The following PALLD variants were observed in gnomAD, a reference collection of about 807,000 sequenced individuals.
PALLD encodes the protein palladin.
A neutral mutation model predicts 123.5 loss-of-function variants in PALLD; 61 were observed. The ratio of observed to expected loss-of-function variants is 0.49; its 90% CI spans 0.40 to 0.61. The LOEUF is 0.61. Ranked by LOEUF, PALLD falls within the 20% of genes least tolerant of loss-of-function variation. The probability of loss-of-function intolerance (pLI) is 0.00; values close to 1 mark genes in which losing one functional copy is unlikely to be tolerated. For missense variants in PALLD, 1,273 were observed against 1,377.0 expected (o/e 0.92, Z 1.20); for synonymous variants, 465 against 496.4 (o/e 0.94, Z 0.84).
At chr4:168,810,192 A>G (rs190637227) in intron 10 of PALLD, among the ~76,000 whole-genome samples, 27 of 152,244 alleles carry the variant, frequency 1.8e-4, no homozygotes, top group African/African-American at 6.0e-4. Context: ...GAACAGGAAA[A>G]GAGCAAGAAT....
At chr4:168,635,945 A>T (rs989207145) in intron 2 of PALLD, among the ~76,000 whole-genome samples, 1 of 152,218 alleles carries the variant, frequency 6.6e-6, no homozygotes, top group African/African-American at 2.4e-5. Context: ...GGAATTGAGG[A>T]TCCTGGTTTT....
At chr4:168,734,917 C>T (rs1320494120) in intron 10 of PALLD, among the ~76,000 whole-genome samples, 3 of 150,946 alleles carry the variant, frequency 2.0e-5, no homozygotes, top group African/African-American at 7.4e-5. Flanking sequence ...GAGCAAGACC[C>T]CATCTCTTAG....
At chr4:168,845,244 A>G (rs961735482) in intron 10 of PALLD, among the ~76,000 whole-genome samples, 1 of 152,174 alleles carries the variant, frequency 6.6e-6, no homozygotes, top group Non-Finnish European at 1.5e-5. Flanking sequence ...ATCGAACAAA[A>G]TATTTCCTAC....
At chr4:168,724,274 T>C (rs1269322582) in intron 10 of PALLD, among the ~76,000 whole-genome samples, 1 of 152,268 alleles carries the variant, frequency 6.6e-6, no homozygotes, top group African/African-American at 2.4e-5. Flanking sequence ...TTTATTTTTG[T>C]CTACTACAGG....
intron 8 of PALLD, among the ~76,000 whole-genome samples, chr4:168,704,870 C>T (rs1316835180): frequency 6.6e-6 from 1 of 151,962 alleles, no homozygotes; most frequent in Admixed American, 6.6e-5. Flanking sequence ...CAAAAAGATC[C>T]TGTCTTTGTG....
At chr4:168,912,898 G>A (rs1759282234) in intron 15 of PALLD, among the ~76,000 whole-genome samples, 2 of 152,116 alleles carry the variant, frequency 1.3e-5, no homozygotes, top group Non-Finnish European at 2.9e-5. Context: ...AATTTCAATT[G>A]ACAAATTTAA....
intron 2 of PALLD, among the ~76,000 whole-genome samples, chr4:168,607,441 C>T (rs562449596): frequency 6.6e-6 from 1 of 152,120 alleles, no homozygotes; most frequent in African/African-American, 2.4e-5. Context: ...TTTTGGCACT[C>T]GGTGTGAGCT....
intron 10 of PALLD, among the ~76,000 whole-genome samples, chr4:168,737,547 T>C (rs1787881936): frequency 1.3e-5 from 2 of 152,130 alleles, no homozygotes. Flanking sequence ...GAAAACAGTT[T>C]TCTTTACTAA....
chr4:168,543,321 C>CTTT (rs10649595), intron 2 of PALLD, among the ~76,000 whole-genome samples: 18,072 of 145,976 alleles, frequency 0.12, 1,434 homozygotes, highest in Non-Finnish European at 0.16. Context: ...TTATATTTAT[C>CTTT]TTTTTTTTTT....
At chr4:168,723,475 G>A (rs1023116832) in intron 10 of PALLD, among the ~76,000 whole-genome samples, 3 of 152,204 alleles carry the variant, frequency 2.0e-5, no homozygotes, top group African/African-American at 7.2e-5. Context: ...TGAGGAAGCA[G>A]AGTTTGGTTA....
intron 10 of PALLD, among the ~76,000 whole-genome samples, chr4:168,713,885 T>C (rs1785073481): frequency 6.9e-6 from 1 of 145,258 alleles, no homozygotes; most frequent in Non-Finnish European, 1.5e-5. Context: ...GCAGAACACC[T>C]AACCACAAAA....
intron 10 of PALLD, among the ~76,000 whole-genome samples, chr4:168,731,226 C>G (rs1014126513): frequency 6.6e-6 from 1 of 152,170 alleles, no homozygotes; most frequent in Non-Finnish European, 1.5e-5. Context: ...TTTCACAATC[C>G]GTTGCTCTCA....
intron 10 of PALLD, among the ~76,000 whole-genome samples, chr4:168,771,928 G>A (rs1389834988): frequency 6.6e-6 from 1 of 152,196 alleles, no homozygotes; most frequent in Admixed American, 6.5e-5. Context: ...TAGGAGATAA[G>A]AGGGGTAGTA....
chr4:168,824,729 C>T (rs1743178987), intron 10 of PALLD, among the ~76,000 whole-genome samples: 1 of 151,038 alleles, frequency 6.6e-6, no homozygotes, highest in African/African-American at 2.4e-5. Flanking sequence ...CCTAGTATAA[C>T]TCACTTAAGG....
In PALLD at chr4:168,631,634, C is replaced by A. The variant is rs1330470061; in HGVS notation, c.909-36556C>A. 5 of 985,434 alleles carry A rather than the reference C, an allele frequency of 5.1e-6. No homozygotes were observed. The African/African-American group carries it at 8.7e-5, about 17-fold the overall frequency. The allele number at this position is 985,434 out of a possible 1,614,324, so 61.0% of individuals were successfully genotyped here. ...CGCGGCGCATTCGCGCGCTGGAGAC[C>A]GGCGGCCTCTCACCGAGCCTGAGTC... On this transcript the variant is annotated intron_variant, in intron 2 of 21. Transcript: ENST00000505667.
At chr4:168,639,819 T>C (rs3109201) in intron 2 of PALLD, among the ~76,000 whole-genome samples, 26,907 of 152,102 alleles carry the variant, frequency 0.18, 2,444 homozygotes, top group East Asian at 0.29. Flanking sequence ...GCTGGGATTA[T>C]AGGCGTGAGC....
chr4:168,847,431 C>G (rs1038478777), intron 10 of PALLD, among the ~76,000 whole-genome samples: 1 of 152,150 alleles, frequency 6.6e-6, no homozygotes, highest in Non-Finnish European at 1.5e-5. Context: ...TTGAAAGATA[C>G]AAGATCACTG....
At chr4:168,542,260 G>A (rs761100069) in intron 2 of PALLD, among the ~76,000 whole-genome samples, 6 of 151,984 alleles carry the variant, frequency 3.9e-5, no homozygotes, top group Non-Finnish European at 5.9e-5. Context: ...AACTAAAACC[G>A]CCACTCATGG....
intron 3 of PALLD, among the ~76,000 whole-genome samples, chr4:168,675,468 T>G (rs1225928895): frequency 6.6e-6 from 1 of 152,256 alleles, no homozygotes; most frequent in East Asian, 1.9e-4. Context: ...ACCACTGCCG[T>G]GCCTCTCTAG....
Sources: gnomAD v4.1 joint callset for allele counts (sites outside exome capture counted in the v4.1 genomes callset) on GRCh38, gnomAD v4.1.1 for gene constraint, MANE v1.5 for transcripts, NCBI Gene and HGNC (gene_info 2026-07-23, HGNC 2026-07-21) for gene names.